Variants in MORC1 observed in about 807,000 individuals in gnomAD.
The protein encoded by MORC1 is MORC family CW-type zinc finger protein 1.
A neutral mutation model predicts 134.9 loss-of-function variants in MORC1; 59 were observed. The ratio of observed to expected loss-of-function variants is 0.44; its 90% CI spans 0.35 to 0.54. The LOEUF (loss-of-function observed/expected upper bound fraction) is 0.54, where lower values mean the gene tolerates loss of function less well. Among genes scored for constraint, MORC1 ranks in the 20% least tolerant of loss-of-function variants. MORC1 has a pLI of 0.00. For synonymous variants in MORC1, 395 were observed against 391.7 expected, an observed-to-expected ratio of 1.01 and a Z score of -0.10; for missense variants, 947 against 1,134.5, an observed-to-expected ratio of 0.83 and a Z score of 2.37.
At chr3:108,962,302 C>T (rs541144524) in intron 27 of MORC1, among the ~76,000 whole-genome samples, 2 of 151,552 alleles carry the variant, frequency 1.3e-5, no homozygotes, top group South Asian at 2.1e-4. Flanking sequence ...AGCTTTTCTG[C>T]ATTTTGTTTT....
At chr3:108,968,014 T>C (rs1474066426) in intron 26 of MORC1, among the ~76,000 whole-genome samples, 1 of 152,182 alleles carries the variant, frequency 6.6e-6, no homozygotes, top group Non-Finnish European at 1.5e-5. Flanking sequence ...CTACCAAAGT[T>C]GTGAGGATAA....
intron 8 of MORC1, among the ~76,000 whole-genome samples, chr3:109,089,222 A>C (rs987574736): frequency 1.3e-5 from 2 of 152,026 alleles, no homozygotes; most frequent in African/African-American, 4.8e-5. Flanking sequence ...ATAAAAGTCT[A>C]AAAGAAAAGT....
At chr3:108,990,750 A>C (rs1948029759) in intron 21 of MORC1, among the ~76,000 whole-genome samples, 1 of 152,048 alleles carries the variant, frequency 6.6e-6, no homozygotes. Context: ...ACTGATGTTC[A>C]AGATAGTCAC....
chr3:109,050,277 T>C (rs1949790605), intron 14 of MORC1, among the ~76,000 whole-genome samples: 2 of 152,216 alleles, frequency 1.3e-5, no homozygotes, highest in Non-Finnish European at 2.9e-5. Flanking sequence ...CAAAATACTA[T>C]AGACTAAGTG....
At chr3:108,985,025 A>T (rs560979945) in intron 22 of MORC1, among the ~76,000 whole-genome samples, 50 of 152,176 alleles carry the variant, frequency 3.3e-4, no homozygotes, top group Non-Finnish European at 4.6e-4. Context: ...TTTTTTTGGT[A>T]ATTTTTAAAT....
chr3:109,116,646 G>A (rs1487478238), intron 1 of MORC1, among the ~76,000 whole-genome samples: 1 of 152,036 alleles, frequency 6.6e-6, no homozygotes, highest in African/African-American at 2.4e-5. Context: ...CGGGCATAGG[G>A]GTGCATGCGT....
chr3:109,057,273 C>A, intron 13 of MORC1, 70 bp downstream of exon 13: 1 of 1,490,622 alleles, frequency 6.7e-7, no homozygotes, highest in Non-Finnish European at 9.1e-7. Context: ...ACTCATCTCA[C>A]TCCACAGACA....
intron 26 of MORC1, among the ~76,000 whole-genome samples, chr3:108,967,887 G>C (rs1349269917): frequency 3.3e-5 from 5 of 152,238 alleles, no homozygotes; most frequent in Admixed American, 2.6e-4. Flanking sequence ...AAAGTAGAAT[G>C]AAAACAACTT....
intron 9 of MORC1, among the ~76,000 whole-genome samples, chr3:109,066,574 C>G (rs1950200676): frequency 6.6e-6 from 1 of 152,206 alleles, no homozygotes. Flanking sequence ...GCGTGAGCCA[C>G]TGCACCCAGC....
intron 4 of MORC1, among the ~76,000 whole-genome samples, chr3:109,102,694 T>A (rs555193506): frequency 6.6e-6 from 1 of 152,338 alleles, no homozygotes; most frequent in East Asian, 1.9e-4. Context: ...ATGACCCATA[T>A]AAAAAGAGTT....
At chr3:109,018,220 G>T (rs183117585) in intron 17 of MORC1, among the ~76,000 whole-genome samples, 7 of 152,188 alleles carry the variant, frequency 4.6e-5, no homozygotes, top group African/African-American at 1.7e-4. Context: ...GGACTATAGA[G>T]AAAATACTTT....
intron 21 of MORC1, among the ~76,000 whole-genome samples, chr3:108,998,048 C>T (rs1948285480): frequency 6.6e-6 from 1 of 152,148 alleles, no homozygotes; most frequent in African/African-American, 2.4e-5. Flanking sequence ...ATTATAGTTG[C>T]ATTGGTAACA....
intron 12 of MORC1, 136 bp from the exon 13 acceptor site, chr3:109,057,622 A>C (rs1949990823): frequency 6.2e-6 from 4 of 643,716 alleles, no homozygotes; most frequent in Non-Finnish European, 9.6e-6. Context: ...TGGTAGGCAC[A>C]CTCAGTTGTC....
intron 16 of MORC1, among the ~76,000 whole-genome samples, chr3:109,032,432 A>G (rs1253357143): frequency 6.6e-6 from 1 of 152,186 alleles, no homozygotes; most frequent in Non-Finnish European, 1.5e-5. Flanking sequence ...ATGAAAATGA[A>G]CTGGAAGGAA....
At chr3:108,969,520 AC>A (rs1283742365) in intron 26 of MORC1, 148 bp downstream of exon 26, 1 of 707,850 alleles carries the variant, frequency 1.4e-6, no homozygotes, top group Non-Finnish European at 2.4e-6. Context: ...GCTTTATGAC[AC>A]CTGATAAGCT....
At chr3:109,088,499 T>G (rs1950657479) in intron 8 of MORC1, among the ~76,000 whole-genome samples, 1 of 152,070 alleles carries the variant, frequency 6.6e-6, no homozygotes, top group African/African-American at 2.4e-5. Flanking sequence ...ATTAGAGAAA[T>G]GCAAATCAAA....
intron 9 of MORC1, among the ~76,000 whole-genome samples, chr3:109,068,966 G>A (rs996298091): frequency 6.6e-6 from 1 of 152,166 alleles, no homozygotes; most frequent in Non-Finnish European, 1.5e-5. Flanking sequence ...GACCAGCCTG[G>A]TCAACATGGT....
At chr3:108,960,383 C>T (rs1003577389) in intron 27 of MORC1, among the ~76,000 whole-genome samples, 4 of 152,118 alleles carry the variant, frequency 2.6e-5, no homozygotes, top group South Asian at 2.1e-4. Flanking sequence ...AATGGGATCA[C>T]GATCCTGAAG....
chr3:109,004,749 T>TA (rs773432141), intron 20 of MORC1, 68 bp downstream of exon 20: 8 of 1,443,206 alleles, frequency 5.5e-6, no homozygotes, highest in Non-Finnish European at 7.7e-6. Context: ...ATGCAAAACT[T>TA]AAAGATTAAA....
Sources: gnomAD v4.1 joint callset for allele counts (sites outside exome capture counted in the v4.1 genomes callset) on GRCh38, gnomAD v4.1.1 for gene constraint, MANE v1.5 for transcripts, NCBI Gene and HGNC (gene_info 2026-07-23, HGNC 2026-07-21) for gene names.